The following OSBPL11 variants were observed in gnomAD, a reference collection of about 807,000 sequenced individuals.
OSBPL11 encodes the protein oxysterol-binding protein-related protein 11.
A neutral mutation model predicts 84.4 loss-of-function variants in OSBPL11; 33 were observed. The observed-to-expected ratio is 0.39, with a 90% CI of 0.30 to 0.52. The LOEUF is 0.52. Among genes scored for constraint, OSBPL11 ranks in the 20% least tolerant of loss-of-function variants. The probability of loss-of-function intolerance (pLI) is 0.72; values close to 1 mark genes in which losing one functional copy is unlikely to be tolerated. For missense variants in OSBPL11, 736 were observed against 901.1 expected (o/e 0.82, Z 2.35); for synonymous variants, 276 against 310.2 (o/e 0.89, Z 1.16).
rs1397781040 is a variant in OSBPL11 at position 125,595,188 on chromosome 3, TAA to T, written c.-390_-389del. On this transcript the variant is annotated 5_prime_UTR_variant, in exon 1 of 13. Coordinates refer to ENST00000296220, the MANE Select transcript of OSBPL11 (RefSeq NM_022776.5). ...CGCCACGGACAGGGGACCCGCGGCCTAACCTCGGGGCTGACCCGCCGCGCTCC... is the reference window on the plus strand; with the variant it reads ...CGCCACGGACAGGGGACCCGCGGCCTCCTCGGGGCTGACCCGCCGCGCTCC... 6 of 164,150 alleles carry T rather than the reference TAA, an allele frequency of 3.7e-5. No homozygotes were observed. The highest frequency in any genetic ancestry group is 8.0e-5 in the Non-Finnish European group (6 of 74,618). The allele number at this position is 164,150 out of a possible 1,614,324, so 10.2% of individuals were successfully genotyped here.
chr3:125,554,489 A>G (rs966444378), intron 8 of OSBPL11, among the ~76,000 whole-genome samples: 1 of 152,220 alleles, frequency 6.6e-6, no homozygotes, highest in Non-Finnish European at 1.5e-5. Flanking sequence ...CATAGGCGCC[A>G]CCTACGTGTT....
chr3:125,552,143 A>G (rs201489753), intron 9 of OSBPL11, 38 bp downstream of exon 9: 357 of 130,124 alleles, frequency 2.7e-3, no homozygotes, highest in South Asian at 5.6e-3. Context: ...GTGTGTGTGT[A>G]TATATATATA....
At chr3:125,586,192 TTATAC>T (rs1936507773) in intron 1 of OSBPL11, among the ~76,000 whole-genome samples, 1 of 152,336 alleles carries the variant, frequency 6.6e-6, no homozygotes, top group East Asian at 1.9e-4. Flanking sequence ...TCTGATTATA[TTATAC>T]TATTTTGTGT....
chr3:125,551,561 G>C (rs930101888), intron 9 of OSBPL11, among the ~76,000 whole-genome samples: 2 of 152,084 alleles, frequency 1.3e-5, no homozygotes, highest in Non-Finnish European at 2.9e-5. Flanking sequence ...CAGAGGTCAG[G>C]AGTTTGAGAC....
At chr3:125,587,047 G>A (rs1936524594) in intron 1 of OSBPL11, among the ~76,000 whole-genome samples, 1 of 152,120 alleles carries the variant, frequency 6.6e-6, no homozygotes, top group Non-Finnish European at 1.5e-5. Context: ...ATATCTCCTT[G>A]AAGAAAAAGG....
intron 6 of OSBPL11, among the ~76,000 whole-genome samples, chr3:125,565,933 C>T (rs1476039727): frequency 6.6e-6 from 1 of 152,114 alleles, no homozygotes; most frequent in Non-Finnish European, 1.5e-5. Context: ...CTGTGCCTTT[C>T]TCAGAACTCT....
intron 11 of OSBPL11, among the ~76,000 whole-genome samples, chr3:125,535,377 C>A (rs1935625820): frequency 6.6e-6 from 1 of 151,368 alleles, no homozygotes; most frequent in Non-Finnish European, 1.5e-5. Flanking sequence ...AGCAATATCC[C>A]TCATGTATAT....
At chr3:125,582,645 T>C (rs1032995632) in intron 2 of OSBPL11, among the ~76,000 whole-genome samples, 5 of 152,206 alleles carry the variant, frequency 3.3e-5, no homozygotes, top group African/African-American at 1.2e-4. Context: ...CTTCTGCAAG[T>C]ATACAATGCC....
chr3:125,537,452 A>C (rs1580032712), intron 11 of OSBPL11, among the ~76,000 whole-genome samples: 1 of 152,178 alleles, frequency 6.6e-6, no homozygotes, highest in East Asian at 1.9e-4. Context: ...GATGCCCTGA[A>C]AAGGTCTCAA....
intron 1 of OSBPL11, among the ~76,000 whole-genome samples, chr3:125,587,558 A>G (rs1936533283): frequency 6.6e-6 from 1 of 152,236 alleles, no homozygotes. Context: ...GGCAAGGGGA[A>G]TACAGAGAAG....
At chr3:125,560,156 G>A (rs901880353) in intron 8 of OSBPL11, among the ~76,000 whole-genome samples, 1 of 152,090 alleles carries the variant, frequency 6.6e-6, no homozygotes, top group African/African-American at 2.4e-5. Flanking sequence ...AGCTACCCAG[G>A]AGGCTGAGGC....
chr3:125,539,324 T>TATAC (rs1553732051), intron 10 of OSBPL11, among the ~76,000 whole-genome samples: 3 of 120,142 alleles, frequency 2.5e-5, no homozygotes, highest in South Asian at 2.7e-4. Flanking sequence ...TATATATATA[T>TATAC]ATATATATAT....
Position 125,578,945 on chromosome 3 carries a change from T to C in OSBPL11, c.489+15A>G. ...CTCATTTTTGTATATTAATATTGTA[T>C]ATAAATCTACATACCTTTCCAATAG... On this transcript the variant is annotated intron_variant, in intron 4 of 12. Coordinates refer to ENST00000296220, the MANE Select transcript of OSBPL11 (RefSeq NM_022776.5). The C allele has an allele frequency of 1.4e-6, 2 of 1,470,042 alleles. No individual in the cohort carries two copies. Among genetic ancestry groups the C allele is most frequent in the Non-Finnish European group, 1.8e-6 (2 of 1,086,548 alleles). 91.1% of individuals were successfully genotyped at this position (1,470,042 alleles called of 1,614,324 possible).
chr3:125,594,434 AG>A (rs1936648352), intron 1 of OSBPL11, among the ~76,000 whole-genome samples: 1 of 152,254 alleles, frequency 6.6e-6, no homozygotes, highest in South Asian at 2.1e-4. Context: ...GTTCCTCAAA[AG>A]GCCTTCCATA....
chr3:125,589,342 C>CAAAAAAAAAAAAAAA (rs35267505), intron 1 of OSBPL11, among the ~76,000 whole-genome samples: 1 of 62,030 alleles, frequency 1.6e-5, no homozygotes, highest in Non-Finnish European at 3.4e-5. Context: ...AACTCCATCT[C>CAAAAAAAAAAAAAAA]AAAAAAAAAA....
chr3:125,574,611 TA>T (rs1448219183), intron 5 of OSBPL11, among the ~76,000 whole-genome samples: 1 of 151,882 alleles, frequency 6.6e-6, no homozygotes, highest in Non-Finnish European at 1.5e-5. Flanking sequence ...GGTTATCAAT[TA>T]AAAAAAGACA....
At chr3:125,533,150 C>G (rs1413389344) in intron 11 of OSBPL11, among the ~76,000 whole-genome samples, 2 of 151,682 alleles carry the variant, frequency 1.3e-5, no homozygotes, top group Non-Finnish European at 2.9e-5. Flanking sequence ...TTTTTTCTTT[C>G]TTTCTTCCTT....
At chr3:125,552,721 T>C in intron 8 of OSBPL11, 42 bp from the exon 9 acceptor site, 1 of 1,577,080 alleles carries the variant, frequency 6.3e-7, no homozygotes, top group East Asian at 2.2e-5. Context: ...TTAATCCATG[T>C]GTAGCATATC....
chr3:125,537,129 C>T (rs1008983303), intron 11 of OSBPL11, among the ~76,000 whole-genome samples: 6 of 140,162 alleles, frequency 4.3e-5, no homozygotes, highest in Non-Finnish European at 9.0e-5. Flanking sequence ...GACCACACTC[C>T]AGCCTGGGTG....
Sources: gnomAD v4.1 joint callset for allele counts (sites outside exome capture counted in the v4.1 genomes callset) on GRCh38, gnomAD v4.1.1 for gene constraint, MANE v1.5 for transcripts, NCBI Gene and HGNC (gene_info 2026-07-23, HGNC 2026-07-21) for gene names.